ADGRL2: variants seen among roughly 807,000 people sequenced by gnomAD.
The protein encoded by ADGRL2 is adhesion G protein-coupled receptor L2.
ADGRL2 carries 44 observed loss-of-function variants against 157.4 expected under a neutral mutation model. The observed-to-expected ratio is 0.28, with a 90% CI of 0.22 to 0.36. ADGRL2 has a LOEUF of 0.36. Ranked by LOEUF, ADGRL2 falls within the 10% of genes least tolerant of loss-of-function variation. ADGRL2 has a pLI of 1.00. For missense variants in ADGRL2, 1,510 were observed against 1,768.9 expected, an observed-to-expected ratio of 0.85 and a Z score of 2.63; for synonymous variants, 585 against 624.7, an observed-to-expected ratio of 0.94 and a Z score of 0.95.
chr1:81,650,711 C>G (rs1189496302), intron 3 of ADGRL2, among the ~76,000 whole-genome samples: 2 of 151,984 alleles, frequency 1.3e-5, no homozygotes, highest in African/African-American at 4.8e-5. Flanking sequence ...TGAATGATAT[C>G]TTGTATTAGA....
At chr1:81,433,808 G>C (rs2077363867) in intron 1 of ADGRL2, among the ~76,000 whole-genome samples, 1 of 152,094 alleles carries the variant, frequency 6.6e-6, no homozygotes. Flanking sequence ...CCTCACTCAG[G>C]GTTCATAATT....
chr1:81,744,515 T>C (rs1258659361), intron 1 of ADGRL2, among the ~76,000 whole-genome samples: 1 of 152,250 alleles, frequency 6.6e-6, no homozygotes, highest in East Asian at 1.9e-4. Context: ...ACCATAAGGA[T>C]AAAATGTTAC....
At chr1:81,967,546 C>T (rs1280870598) in intron 13 of ADGRL2, among the ~76,000 whole-genome samples, 1 of 152,126 alleles carries the variant, frequency 6.6e-6, no homozygotes, top group African/African-American at 2.4e-5. Flanking sequence ...CAGGCGTGAG[C>T]CACCGCGCCC....
At chr1:81,504,111 C>G (rs999498790) in intron 2 of ADGRL2, among the ~76,000 whole-genome samples, 2 of 152,188 alleles carry the variant, frequency 1.3e-5, no homozygotes, top group Admixed American at 1.3e-4. Flanking sequence ...AGGGCCAGGG[C>G]CCACAGGGCA....
chr1:81,823,522 A>G (rs534101679), intron 1 of ADGRL2, among the ~76,000 whole-genome samples: 1 of 152,136 alleles, frequency 6.6e-6, no homozygotes, highest in South Asian at 2.1e-4. Context: ...ACTCACTGGT[A>G]AGGTAGCACT....
chr1:81,856,053 C>T (rs1243967321), intron 2 of ADGRL2, among the ~76,000 whole-genome samples: 2 of 151,992 alleles, frequency 1.3e-5, no homozygotes, highest in Non-Finnish European at 2.9e-5. Context: ...TCATATTGCC[C>T]AGCTGGTCCT....
At chr1:81,864,424 AC>A (rs376336099) in intron 2 of ADGRL2, among the ~76,000 whole-genome samples, 73 of 152,146 alleles carry the variant, frequency 4.8e-4, no homozygotes, top group Non-Finnish European at 9.3e-4. Flanking sequence ...TCCTTTCCCC[AC>A]CCCCAAATAG....
intron 1 of ADGRL2, among the ~76,000 whole-genome samples, chr1:81,832,371 C>A (rs1335934272): frequency 2.0e-5 from 3 of 152,164 alleles, no homozygotes; most frequent in African/African-American, 7.2e-5. Context: ...TCTCGAACTC[C>A]TGACCTCGTG....
intron 17 of ADGRL2, among the ~76,000 whole-genome samples, chr1:81,979,148 T>C (rs1660978585): frequency 6.6e-6 from 1 of 151,762 alleles, no homozygotes; most frequent in Non-Finnish European, 1.5e-5. Context: ...ATCCACTCAC[T>C]TTCCTTCTTG....
intron 2 of ADGRL2, among the ~76,000 whole-genome samples, chr1:81,580,219 G>A (rs960962957): frequency 6.6e-6 from 1 of 152,102 alleles, no homozygotes; most frequent in African/African-American, 2.4e-5. Context: ...CTCCTTGCTT[G>A]TACAGTTAAC....
intron 1 of ADGRL2, among the ~76,000 whole-genome samples, chr1:81,828,723 C>A (rs2091702276): frequency 6.6e-6 from 1 of 152,066 alleles, no homozygotes; most frequent in African/African-American, 2.4e-5. Flanking sequence ...AAACCACATA[C>A]CTCTCCTACT....
intron 2 of ADGRL2, among the ~76,000 whole-genome samples, chr1:81,508,666 C>G (rs2079022482): frequency 6.6e-6 from 1 of 152,174 alleles, no homozygotes; most frequent in African/African-American, 2.4e-5. Context: ...ACATGAAGCC[C>G]TATGCATAGG....
chr1:81,411,631 G>T (rs900088020), intron 1 of ADGRL2, among the ~76,000 whole-genome samples: 9 of 152,130 alleles, frequency 5.9e-5, no homozygotes, highest in Admixed American at 5.2e-4. Context: ...GGTGGCTCAC[G>T]CCTGTAATCC....
intron 2 of ADGRL2, among the ~76,000 whole-genome samples, chr1:81,501,439 T>G (rs2078844128): frequency 6.6e-6 from 1 of 152,250 alleles, no homozygotes; most frequent in African/African-American, 2.4e-5. Context: ...TTAGAGCTGC[T>G]GTGACTTGAA....
chr1:81,803,813 C>A (rs1004057381), intron 1 of ADGRL2, among the ~76,000 whole-genome samples: 28 of 152,152 alleles, frequency 1.8e-4, no homozygotes, highest in Non-Finnish European at 3.2e-4. Flanking sequence ...ACTTCTCTTC[C>A]CCTTTCCAGA....
intron 2 of ADGRL2, among the ~76,000 whole-genome samples, chr1:81,446,662 C>G (rs779900308): frequency 1.3e-5 from 2 of 152,132 alleles, no homozygotes; most frequent in East Asian, 1.9e-4. Flanking sequence ...TACACAGTCC[C>G]GGAACACCTG....
intron 2 of ADGRL2, among the ~76,000 whole-genome samples, chr1:81,529,689 G>A (rs1359639504): frequency 6.6e-6 from 1 of 152,186 alleles, no homozygotes. Flanking sequence ...GGATGGGGAA[G>A]GCTGACTGTA....
chr1:81,767,892 G>T (rs1030557492), intron 2 of ADGRL2, among the ~76,000 whole-genome samples: 3 of 150,794 alleles, frequency 2.0e-5, no homozygotes, highest in African/African-American at 7.3e-5. Context: ...GAAATTGCTG[G>T]GTCATGGAGT....
intron 3 of ADGRL2, among the ~76,000 whole-genome samples, chr1:81,666,637 T>A (rs1017797657): frequency 1.3e-5 from 2 of 152,206 alleles, no homozygotes; most frequent in African/African-American, 4.8e-5. Context: ...TGGCGGCTCC[T>A]ATGATGGCCC....
Sources: allele counts gnomAD v4.1 joint callset (sites outside exome capture counted in the v4.1 genomes callset), GRCh38; gene constraint gnomAD v4.1.1; transcripts MANE v1.5; gene names NCBI Gene and HGNC (gene_info 2026-07-23, HGNC 2026-07-21).